The following XPO6 variants were observed in gnomAD, a reference collection of about 807,000 sequenced individuals.
The protein encoded by XPO6 is exportin 6.
Under a neutral mutation model 130.0 loss-of-function variants are expected in XPO6, and 3 were observed. The observed-to-expected ratio is 0.02, with a 90% CI of 0.01 to 0.06. The LOEUF is 0.06. XPO6 is among the 10% of genes least tolerant of loss of function. XPO6 has a pLI of 1.00. For missense variants in XPO6, 970 were observed against 1,393.0 expected, an observed-to-expected ratio of 0.70 and a Z score of 4.83; for synonymous variants, 524 against 548.9, an observed-to-expected ratio of 0.95 and a Z score of 0.63.
At chr16:28,196,373 G>A (rs543968240) in intron 1 of XPO6, among the ~76,000 whole-genome samples, 1 of 152,216 alleles carries the variant, frequency 6.6e-6, no homozygotes, top group East Asian at 1.9e-4. Context: ...GCAAATTCAT[G>A]AGACAGGAAT....
At chr16:28,176,372 AAGCAAC>A (rs1353844694) in intron 3 of XPO6, among the ~76,000 whole-genome samples, 3 of 152,242 alleles carry the variant, frequency 2.0e-5, no homozygotes, top group Non-Finnish European at 2.9e-5. Context: ...ATAATGACAG[AAGCAAC>A]TTCAATGTTC....
intron 6 of XPO6, among the ~76,000 whole-genome samples, chr16:28,164,878 C>A (rs2043331533): frequency 6.6e-6 from 1 of 152,278 alleles, no homozygotes; most frequent in South Asian, 2.1e-4. Context: ...TGCTAATAAA[C>A]CATGCTAGCG....
intron 21 of XPO6, 184 bp from the exon 22 acceptor site, chr16:28,102,129 TG>T (rs2086667181): frequency 1.8e-6 from 1 of 564,922 alleles, no homozygotes; most frequent in Non-Finnish European, 3.1e-6. Flanking sequence ...CACCGGGCCT[TG>T]CTTCTTATTA....
rs756943039 is a variant in XPO6, at chr16:28,101,807, C to T, written c.3045+40G>A. 3 of 1,605,022 alleles carry T rather than the reference C, an allele frequency of 1.9e-6. No individual in the cohort carries two copies. The highest frequency in any genetic ancestry group is 2.6e-6 in the Non-Finnish European group (3 of 1,173,054). ...TGAGGGTGGGACACAGGCCACAATG[C>T]CCCTGATGGAAGAATATTTCCAAGA... On this transcript the variant is annotated intron_variant, in intron 22 of 23. Coordinates refer to ENST00000304658, the MANE Select transcript of XPO6 (RefSeq NM_015171.4). The surrounding 1 kb of genome is among the most constrained non-coding windows in gnomAD (Gnocchi z 5.4).
chr16:28,180,927 A>C lies in XPO6; in HGVS notation c.94+14T>G. The C allele has an allele frequency of 6.2e-7, 1 of 1,606,836 alleles. No individual in the cohort carries two copies. The highest frequency in any genetic ancestry group is 1.1e-5 in the South Asian group (1 of 89,952). Reference sequence around the variant, plus strand: ...CATTATAAATTCCTCTTTACAAGTCAATGCTCCACTTACCTATCTCACGTT... The same window carrying C: ...CATTATAAATTCCTCTTTACAAGTCCATGCTCCACTTACCTATCTCACGTT... On this transcript the variant is annotated intron_variant, in intron 2 of 23. Transcript: ENST00000304658.
chr16:28,158,345 G>A (rs2043215712), intron 6 of XPO6, among the ~76,000 whole-genome samples: 1 of 152,104 alleles, frequency 6.6e-6, no homozygotes, highest in Non-Finnish European at 1.5e-5. Context: ...CTTTCCAGAG[G>A]CTACATCACA....
At chr16:28,129,256 C>A (rs1051259026) in intron 12 of XPO6, among the ~76,000 whole-genome samples, 2 of 152,142 alleles carry the variant, frequency 1.3e-5, no homozygotes, top group African/African-American at 2.4e-5. Context: ...AATTCTCTAC[C>A]CTTGACACCC....
At chr16:28,103,114 A>C (rs1596773322) in intron 21 of XPO6, among the ~76,000 whole-genome samples, 1 of 152,144 alleles carries the variant, frequency 6.6e-6, no homozygotes, top group African/African-American at 2.4e-5. Flanking sequence ...CATCACAACC[A>C]AGACAGGACA....
intron 9 of XPO6, among the ~76,000 whole-genome samples, chr16:28,141,429 C>T (rs983249215): frequency 1.3e-5 from 2 of 152,192 alleles, no homozygotes; most frequent in African/African-American, 4.8e-5. Context: ...TGCTGAGCAC[C>T]TACTGTCAGC....
At chr16:28,147,904 C>T (rs917224963) in intron 8 of XPO6, among the ~76,000 whole-genome samples, 5 of 152,184 alleles carry the variant, frequency 3.3e-5, no homozygotes, top group Non-Finnish European at 7.3e-5. Context: ...TGAGATCGTG[C>T]CACTGCACTC....
intron 21 of XPO6, among the ~76,000 whole-genome samples, 180 bp downstream of exon 21, chr16:28,104,366 G>A (rs187906634): frequency 6.6e-6 from 1 of 152,264 alleles, no homozygotes; most frequent in Admixed American, 6.5e-5. Context: ...TGTGACCCAG[G>A]CAACATTAGC....
At chr16:28,103,704 C>A (rs913350390) in intron 21 of XPO6, among the ~76,000 whole-genome samples, 1 of 152,116 alleles carries the variant, frequency 6.6e-6, no homozygotes, top group Non-Finnish European at 1.5e-5. Context: ...AGACCTGAGG[C>A]CTCGGTGGGT....
chr16:28,172,596 T>C (rs772852022), intron 4 of XPO6, among the ~76,000 whole-genome samples: 1 of 152,136 alleles, frequency 6.6e-6, no homozygotes, highest in Non-Finnish European at 1.5e-5. Context: ...TTTCGATTAC[T>C]TCTCCAGGAG....
intron 13 of XPO6, 115 bp downstream of exon 13, chr16:28,125,574 C>G (rs906268572): frequency 1.3e-5 from 17 of 1,358,210 alleles, no homozygotes; most frequent in Non-Finnish European, 1.7e-5. Context: ...GTGGCAGAGC[C>G]TAGATTTACC....
chr16:28,105,860 A>C, intron 20 of XPO6, 183 bp downstream of exon 20: 2 of 853,460 alleles, frequency 2.3e-6, no homozygotes, highest in Non-Finnish European at 3.5e-6. Flanking sequence ...GCTCCAATGA[A>C]CTCAATCAAT....
intron 1 of XPO6, among the ~76,000 whole-genome samples, chr16:28,184,024 T>C (rs953172519): frequency 6.6e-6 from 1 of 152,198 alleles, no homozygotes; most frequent in East Asian, 1.9e-4. Flanking sequence ...CTTGGCCAGC[T>C]GTTTCAAGCA....
intron 1 of XPO6, among the ~76,000 whole-genome samples, chr16:28,193,717 A>G (rs926883533): frequency 6.6e-6 from 1 of 152,124 alleles, no homozygotes; most frequent in African/African-American, 2.4e-5. Context: ...ACATCCCTGG[A>G]GAGAGAAGAT....
intron 7 of XPO6, chr16:28,154,715 T>C (rs2043155879): frequency 1.3e-5 from 2 of 152,348 alleles, no homozygotes; most frequent in South Asian, 2.1e-4. Flanking sequence ...ATGACATTTC[T>C]ATACCATCCA....
intron 1 of XPO6, among the ~76,000 whole-genome samples, chr16:28,209,494 G>A (rs2044090981): frequency 1.3e-5 from 2 of 151,930 alleles, no homozygotes; most frequent in African/African-American, 4.8e-5. Flanking sequence ...ACAAAATTTA[G>A]CCGGGCATGG....
Sources: gnomAD v4.1 joint callset for allele counts (sites outside exome capture counted in the v4.1 genomes callset) on GRCh38, gnomAD v4.1.1 for gene constraint, Gnocchi (gnomAD v3.1) non-coding constraint, MANE v1.5 for transcripts, NCBI Gene and HGNC (gene_info 2026-07-23, HGNC 2026-07-21) for gene names.